Variants in MAGI2 observed in about 807,000 individuals in gnomAD.
MAGI2 encodes the protein membrane associated guanylate kinase, WW and PDZ domain containing 2.
In MAGI2, 35 loss-of-function variants were observed where a neutral mutation model predicts 133.3. The ratio of observed to expected loss-of-function variants is 0.26; its 90% CI spans 0.20 to 0.35. MAGI2 has a LOEUF of 0.35. MAGI2 is among the 10% of genes least tolerant of loss of function. The probability of loss-of-function intolerance (pLI) is 1.00; values close to 1 mark genes in which losing one functional copy is unlikely to be tolerated. For missense variants in MAGI2, 1,636 were observed against 1,863.4 expected, an observed-to-expected ratio of 0.88 and a Z score of 2.25; for synonymous variants, 729 against 710.6, an observed-to-expected ratio of 1.03 and a Z score of -0.41.
chr7:78,315,685 G>T (rs1787342182), intron 9 of MAGI2, among the ~76,000 whole-genome samples: 1 of 152,106 alleles, frequency 6.6e-6, no homozygotes, highest in Non-Finnish European at 1.5e-5. Flanking sequence ...GTTCAAATAA[G>T]AATTAAATGT....
At chr7:79,020,759 CTG>C (rs1297204109) in intron 1 of MAGI2, among the ~76,000 whole-genome samples, 1 of 129,760 alleles carries the variant, frequency 7.7e-6, no homozygotes, top group African/African-American at 2.8e-5. Context: ...GAGCAAGACT[CTG>C]TCTTAAAAAA....
intron 6 of MAGI2, among the ~76,000 whole-genome samples, chr7:78,372,763 G>A (rs1355080003): frequency 6.6e-6 from 1 of 152,110 alleles, no homozygotes; most frequent in Non-Finnish European, 1.5e-5. Context: ...ACCTAGCTTT[G>A]CCTGGATTCT....
intron 12 of MAGI2, among the ~76,000 whole-genome samples, chr7:78,192,837 T>C (rs558632066): frequency 1.3e-5 from 2 of 152,134 alleles, no homozygotes; most frequent in East Asian, 3.9e-4. Flanking sequence ...AGGAAGGGGT[T>C]GTGATGAGGC....
intron 21 of MAGI2, among the ~76,000 whole-genome samples, chr7:78,059,777 A>ATATATTTT (rs368179491): frequency 1.8e-3 from 268 of 146,132 alleles, no homozygotes; most frequent in Admixed American, 4.6e-3. Context: ...ATATATATAT[A>ATATATTTT]TTTTTTTTCT....
At chr7:78,671,616 G>C (rs1440493468) in intron 2 of MAGI2, among the ~76,000 whole-genome samples, 2 of 152,074 alleles carry the variant, frequency 1.3e-5, no homozygotes, top group East Asian at 1.9e-4. Flanking sequence ...CCTCAAACTT[G>C]ATAATCAATT....
At chr7:78,250,557 A>G (rs2150935493) in intron 10 of MAGI2, among the ~76,000 whole-genome samples, 1 of 152,238 alleles carries the variant, frequency 6.6e-6, no homozygotes, top group Middle Eastern at 3.4e-3. Flanking sequence ...TAAAATGTTG[A>G]AACGGAAAAC....
intron 2 of MAGI2, among the ~76,000 whole-genome samples, chr7:78,870,988 G>A (rs377693355): frequency 4.7e-4 from 71 of 152,266 alleles, no homozygotes; most frequent in African/African-American, 1.6e-3. Flanking sequence ...ATAAGTGGGA[G>A]CTAAGATATG....
chr7:79,417,573 T>C (rs1254588469), intron 1 of MAGI2, among the ~76,000 whole-genome samples: 1 of 152,152 alleles, frequency 6.6e-6, no homozygotes, highest in African/African-American at 2.4e-5. Context: ...GCGTTATCTA[T>C]GTTATCTTAG....
At chr7:78,576,287 G>A (rs899504221) in intron 3 of MAGI2, among the ~76,000 whole-genome samples, 5 of 151,926 alleles carry the variant, frequency 3.3e-5, no homozygotes, top group African/African-American at 7.3e-5. Flanking sequence ...TAGCATTCTG[G>A]GTTACTCATT....
At chr7:79,452,487 C>T (rs370568268) in intron 1 of MAGI2, among the ~76,000 whole-genome samples, 1 of 152,218 alleles carries the variant, frequency 6.6e-6, no homozygotes, top group African/African-American at 2.4e-5. Flanking sequence ...CCAGCGGTGG[C>T]TCACGGATCC....
intron 1 of MAGI2, among the ~76,000 whole-genome samples, chr7:79,009,395 T>C (rs1484546175): frequency 6.6e-6 from 1 of 152,140 alleles, no homozygotes; most frequent in Non-Finnish European, 1.5e-5. Context: ...TTAAATGAGT[T>C]GTCATAAATT....
At chr7:79,444,222 A>AAACTG (rs1275714126) in intron 1 of MAGI2, among the ~76,000 whole-genome samples, 1 of 152,202 alleles carries the variant, frequency 6.6e-6, no homozygotes, top group African/African-American at 2.4e-5. Context: ...GAATGGGCAA[A>AAACTG]AACTGGAAGC....
At chr7:79,248,308 G>A (rs977280033) in intron 1 of MAGI2, among the ~76,000 whole-genome samples, 1 of 152,106 alleles carries the variant, frequency 6.6e-6, no homozygotes. Flanking sequence ...AATTCAGTAA[G>A]AGGTAATAAC....
intron 1 of MAGI2, among the ~76,000 whole-genome samples, chr7:79,305,288 C>A (rs536233862): frequency 1.8e-4 from 28 of 152,102 alleles, no homozygotes; most frequent in Non-Finnish European, 3.2e-4. Flanking sequence ...TGAGCTCAGT[C>A]ACTTCAACAG....
intron 10 of MAGI2, among the ~76,000 whole-genome samples, chr7:78,214,048 C>G (rs1445389314): frequency 6.6e-6 from 1 of 152,152 alleles, no homozygotes; most frequent in South Asian, 2.1e-4. Flanking sequence ...AATTGGAGAC[C>G]TCCTCATGTT....
chr7:78,869,287 G>A (rs1284696861), intron 2 of MAGI2, among the ~76,000 whole-genome samples: 1 of 152,062 alleles, frequency 6.6e-6, no homozygotes, highest in Non-Finnish European at 1.5e-5. Flanking sequence ...TTTGGTCATG[G>A]ACTCTTTGCC....
chr7:78,274,260 C>G (rs1426719158), intron 9 of MAGI2, among the ~76,000 whole-genome samples: 1 of 152,198 alleles, frequency 6.6e-6, no homozygotes, highest in African/African-American at 2.4e-5. Context: ...TGGGTATCAC[C>G]AGCAGATGCT....
chr7:78,620,011 T>C (rs1217369872), intron 3 of MAGI2, among the ~76,000 whole-genome samples: 1 of 151,898 alleles, frequency 6.6e-6, no homozygotes, highest in South Asian at 2.1e-4. Flanking sequence ...CCCTTTTAAC[T>C]TTAAGTGCCA....
In MAGI2 at chr7:78,125,869, ATTAT is replaced by A. The variant is rs781603621; in HGVS notation, c.3424-36_3424-33del. On this transcript the variant is annotated intron_variant, in intron 19 of 21. Transcript: ENST00000354212. The stretch of plus-strand genomic sequence containing the variant: ...GGTTGGGGAGAAAATGGAATAAATA[ATTAT>A]TTAGTTATCAGAGAAGCTTCTGTGG... 2.5e-6 allele frequency: 4 copies of A among 1,607,198 alleles called. No individual in the cohort carries two copies. In the South Asian group the frequency reaches 4.4e-5, roughly 18 times the overall value.
Sources: allele counts gnomAD v4.1 joint callset (sites outside exome capture counted in the v4.1 genomes callset), GRCh38; gene constraint gnomAD v4.1.1; transcripts MANE v1.5; gene names NCBI Gene and HGNC (gene_info 2026-07-23, HGNC 2026-07-21).